The following ZFPM2 variants were observed in gnomAD, a reference collection of about 807,000 sequenced individuals.
The protein encoded by ZFPM2 is zinc finger protein, FOG family member 2, also known as zinc finger protein ZFPM2.
In ZFPM2, 20 loss-of-function variants were observed where a neutral mutation model predicts 98.6. The ratio of observed to expected loss-of-function variants is 0.20; its 90% CI spans 0.14 to 0.29. ZFPM2 has a LOEUF of 0.29. Ranked by LOEUF, ZFPM2 falls within the 10% of genes least tolerant of loss-of-function variation. The pLI, the probability that ZFPM2 is intolerant of heterozygous loss-of-function variation, is 1.00. For missense variants in ZFPM2, 1,310 were observed against 1,388.6 expected, an observed-to-expected ratio of 0.94 and a Z score of 0.90; for synonymous variants, 518 against 502.7, an observed-to-expected ratio of 1.03 and a Z score of -0.41.
chr8:105,378,794 A>G (rs1023709713), intron 1 of ZFPM2, among the ~76,000 whole-genome samples: 1 of 152,176 alleles, frequency 6.6e-6, no homozygotes, highest in Non-Finnish European at 1.5e-5. Context: ...AGAAAATAAG[A>G]TATTTCTGAT....
intron 5 of ZFPM2, among the ~76,000 whole-genome samples, chr8:105,673,505 C>T (rs554555192): frequency 8.7e-4 from 132 of 152,074 alleles, no homozygotes; most frequent in African/African-American, 3.0e-3. Context: ...TCTGGGAGAA[C>T]ACATTATATG....
chr8:105,390,727 A>T (rs112853927), intron 1 of ZFPM2, among the ~76,000 whole-genome samples: 55 of 152,320 alleles, frequency 3.6e-4, no homozygotes, highest in African/African-American at 1.3e-3. Flanking sequence ...ACCTTAATGT[A>T]CTCATGGTAA....
chr8:105,708,243 A>G (rs1258047613), intron 5 of ZFPM2, among the ~76,000 whole-genome samples: 1 of 152,212 alleles, frequency 6.6e-6, no homozygotes, highest in Non-Finnish European at 1.5e-5. Flanking sequence ...ATCATATTAC[A>G]TCACATTAAT....
At chr8:105,539,867 G>A in intron 3 of ZFPM2, among the ~76,000 whole-genome samples, 1 of 152,038 alleles carries the variant, frequency 6.6e-6, no homozygotes, top group East Asian at 1.9e-4. Flanking sequence ...TCAATTGTTT[G>A]TTTTATTATT....
At chr8:105,782,580 G>T (rs545002315) in intron 5 of ZFPM2, 4 of 152,254 alleles carry the variant, frequency 2.6e-5, no homozygotes, top group South Asian at 2.1e-4. Context: ...ATCCATTGTG[G>T]ATTGGTTTCA....
chr8:105,757,952 A>G (rs867153387), intron 5 of ZFPM2, among the ~76,000 whole-genome samples: 12 of 152,132 alleles, frequency 7.9e-5, no homozygotes, highest in Non-Finnish European at 5.9e-5. Flanking sequence ...CCATATCCAC[A>G]TGAAACTCCA....
At chr8:105,440,175 G>A (rs959086608) in intron 2 of ZFPM2, among the ~76,000 whole-genome samples, 1 of 152,184 alleles carries the variant, frequency 6.6e-6, no homozygotes, top group African/African-American at 2.4e-5. Flanking sequence ...CTAATACAAA[G>A]CAATGAGATA....
At chr8:105,656,717 T>C (rs1586178027) in intron 5 of ZFPM2, among the ~76,000 whole-genome samples, 1 of 152,226 alleles carries the variant, frequency 6.6e-6, no homozygotes, top group East Asian at 1.9e-4. Flanking sequence ...AGGAGCCTAT[T>C]ATCATGTTTG....
intron 1 of ZFPM2, among the ~76,000 whole-genome samples, chr8:105,412,153 A>G (rs548239187): frequency 1.3e-5 from 2 of 152,010 alleles, no homozygotes; most frequent in South Asian, 4.1e-4. Flanking sequence ...CTCCATTTTT[A>G]TAAGATTAAA....
At chr8:105,582,461 C>T (rs1009158514) in intron 4 of ZFPM2, among the ~76,000 whole-genome samples, 1 of 152,112 alleles carries the variant, frequency 6.6e-6, no homozygotes, top group Non-Finnish European at 1.5e-5. Context: ...TTACTAAAAT[C>T]CTGCAATGCA....
intron 2 of ZFPM2, among the ~76,000 whole-genome samples, chr8:105,442,054 C>T (rs1812262029): frequency 6.6e-6 from 1 of 151,992 alleles, no homozygotes; most frequent in Admixed American, 6.5e-5. Context: ...AAACTTGGGG[C>T]CGGGCGCGGT....
intron 1 of ZFPM2, among the ~76,000 whole-genome samples, chr8:105,396,914 A>T (rs1811231006): frequency 6.6e-6 from 1 of 152,238 alleles, no homozygotes; most frequent in Non-Finnish European, 1.5e-5. Context: ...CGACTTTTAT[A>T]TATTGCCAGT....
chr8:105,438,630 A>G (rs1812173038), intron 2 of ZFPM2, among the ~76,000 whole-genome samples: 1 of 152,186 alleles, frequency 6.6e-6, no homozygotes. Context: ...AAATTGGGAG[A>G]GAGAATGTCT....
chr8:105,522,268 G>C (rs1814079269), intron 3 of ZFPM2, among the ~76,000 whole-genome samples: 1 of 152,152 alleles, frequency 6.6e-6, no homozygotes, highest in Non-Finnish European at 1.5e-5. Context: ...ATTTTATTAA[G>C]ACTATATACA....
chr8:105,540,210 G>A (rs968043550), intron 3 of ZFPM2, among the ~76,000 whole-genome samples: 3 of 152,022 alleles, frequency 2.0e-5, no homozygotes, highest in Non-Finnish European at 2.9e-5. Context: ...TTTAATGAGA[G>A]CTTTTGGGAG....
chr8:105,464,093 A>C (rs2130314967), intron 3 of ZFPM2, among the ~76,000 whole-genome samples: 1 of 152,154 alleles, frequency 6.6e-6, no homozygotes, highest in South Asian at 2.1e-4. Flanking sequence ...TGCCTTCCAC[A>C]GACCTCTTCA....
At chr8:105,517,702 A>AC (rs1563695368) in intron 3 of ZFPM2, among the ~76,000 whole-genome samples, 1 of 42,184 alleles carries the variant, frequency 2.4e-5, no homozygotes, top group Admixed American at 2.9e-4. Flanking sequence ...CCACACACAC[A>AC]CACACCACAC....
At chr8:105,665,438 AC>A (rs1308719883) in intron 5 of ZFPM2, among the ~76,000 whole-genome samples, 1 of 152,150 alleles carries the variant, frequency 6.6e-6, no homozygotes, top group Non-Finnish European at 1.5e-5. Flanking sequence ...CCTTAAAGCA[AC>A]CCTGCCATGG....
At chr8:105,524,037 T>A (rs1814118185) in intron 3 of ZFPM2, among the ~76,000 whole-genome samples, 1 of 152,146 alleles carries the variant, frequency 6.6e-6, no homozygotes, top group Non-Finnish European at 1.5e-5. Flanking sequence ...TACCTAGAGT[T>A]ACTGTATCAA....
Sources: allele counts gnomAD v4.1 joint callset (sites outside exome capture counted in the v4.1 genomes callset), GRCh38; gene constraint gnomAD v4.1.1; transcripts MANE v1.5; gene names NCBI Gene and HGNC (gene_info 2026-07-23, HGNC 2026-07-21).